Variants in GALC observed in about 807,000 individuals in gnomAD.
The protein encoded by GALC is galactocerebrosidase.
Under a neutral mutation model 91.8 loss-of-function variants are expected in GALC, and 77 were observed. The ratio of observed to expected loss-of-function variants is 0.84; its 90% CI spans 0.70 to 1.01. GALC has a LOEUF of 1.01. Among genes scored for constraint, GALC ranks in the 50% least tolerant of loss-of-function variants. The probability of loss-of-function intolerance (pLI) is 0.00; values close to 1 mark genes in which losing one functional copy is unlikely to be tolerated. For synonymous variants in GALC, 357 were observed against 306.7 expected (o/e 1.16, Z -1.71); for missense variants, 882 against 855.9 (o/e 1.03, Z -0.38).
At chr14:87,956,269 G>C (rs372585076) in intron 10 of GALC, among the ~76,000 whole-genome samples, 2 of 151,966 alleles carry the variant, frequency 1.3e-5, no homozygotes, top group African/African-American at 4.8e-5. Flanking sequence ...ACAGTGTGTG[G>C]AGGGGAAGAA....
rs77002425 is a variant in GALC, at chr14:87,992,362, C to T, written c.195+608G>A. On this transcript the variant is annotated intron_variant, in intron 1 of 16. Transcript: ENST00000261304. ...AGAGGGAGTACCCGGTAGTTTCAGG[C>T]CGCTCGCTTATCTTCCTTTTAAAGA... The T allele has an allele frequency of 4.6e-5, 70 of 1,535,724 alleles. No homozygotes were observed. The East Asian group carries it at 1.6e-3, about 36-fold the overall frequency.
At chr14:87,967,089 A>G (rs1325870129) in intron 8 of GALC, among the ~76,000 whole-genome samples, 1 of 152,186 alleles carries the variant, frequency 6.6e-6, no homozygotes, top group Non-Finnish European at 1.5e-5. Flanking sequence ...AGTCTGGGAA[A>G]TGGTGCTTTA....
At chr14:87,987,425 T>C (rs765943719) in intron 3 of GALC, among the ~76,000 whole-genome samples, 2 of 152,244 alleles carry the variant, frequency 1.3e-5, no homozygotes, top group Non-Finnish European at 2.9e-5. Flanking sequence ...AAGTTTCTGT[T>C]ATGGGGGTTT....
upstream of GALC, chr14:87,993,275 G>A (rs1215262328): frequency 5.2e-6 from 8 of 1,540,020 alleles, no homozygotes; most frequent in Non-Finnish European, 6.1e-6. Flanking sequence ...TTTGAGTGCG[G>A]GTCAAGGGCC....
At chr14:87,982,120 ATT>A in intron 6 of GALC, 83 bp downstream of exon 6, 5 of 730,248 alleles carry the variant, frequency 6.8e-6, no homozygotes, top group Non-Finnish European at 1.2e-5. Flanking sequence ...TCCAACACAA[ATT>A]TCCTACTATT....
intron 7 of GALC, among the ~76,000 whole-genome samples, chr14:87,975,256 C>A (rs936810162): frequency 7.9e-5 from 12 of 152,086 alleles, no homozygotes; most frequent in African/African-American, 2.6e-4. Context: ...GTAAGACAAA[C>A]AACCCCGTTC....
rs560806920 is a variant in GALC, at chr14:87,962,999, C to T, written c.1161+385G>A. On this transcript the variant is annotated intron_variant, in intron 10 of 16. Coordinates refer to ENST00000261304, the MANE Select transcript of GALC (RefSeq NM_000153.4). ...CCCTCAATCACTTGAATTTTAAGCTCGTTGCTCTCAACAGACTTAAGGTCT... is the reference window on the plus strand; with the variant it reads ...CCCTCAATCACTTGAATTTTAAGCTTGTTGCTCTCAACAGACTTAAGGTCT... Among the ~76,000 whole-genome samples, 28 of 152,194 alleles carry T rather than the reference C, an allele frequency of 1.8e-4. No homozygotes were observed. In the South Asian group the frequency reaches 4.8e-3, roughly 26 times the overall value.
At chr14:87,990,950 G>A (rs1033645473) in intron 1 of GALC, among the ~76,000 whole-genome samples, 2 of 152,134 alleles carry the variant, frequency 1.3e-5, no homozygotes, top group African/African-American at 4.8e-5. Context: ...CCTAATCCCT[G>A]AAAATGGTTA....
intron 4 of GALC, among the ~76,000 whole-genome samples, chr14:87,985,375 A>G (rs921157697): frequency 7.2e-5 from 11 of 152,348 alleles, no homozygotes; most frequent in Non-Finnish European, 1.3e-4. Flanking sequence ...TGTGACATTA[A>G]AGTAATAGAA....
Position 87,933,772 on chromosome 14 carries a change from T to A in GALC, c.*960A>T. 1 of 506,552 alleles carries A rather than the reference T, an allele frequency of 2.0e-6. No homozygotes were observed. Among genetic ancestry groups the A allele is most frequent in the South Asian group, 3.7e-5 (1 of 27,036 alleles). The allele number at this position is 506,552 out of a possible 1,614,324, so 31.4% of individuals were successfully genotyped here. A position where few individuals can be genotyped will look rare whatever the true frequency, so the allele number is the denominator to read the frequency against. On this transcript the variant is annotated 3_prime_UTR_variant, in exon 17 of 17. Transcript: ENST00000261304. ...CACGTATATTTAAATATAAACATATTTGGACTTTAAAAAGTAAGTACATCT... is the reference window on the plus strand; with the variant it reads ...CACGTATATTTAAATATAAACATATATGGACTTTAAAAAGTAAGTACATCT...
intron 12 of GALC, among the ~76,000 whole-genome samples, chr14:87,948,856 C>G (rs12434297): frequency 0.46 from 69,632 of 151,806 alleles, 17,693 homozygotes; most frequent in East Asian, 0.76. Flanking sequence ...AGTTGGTTAT[C>G]AGAACATTAA....
chr14:87,952,324 A>G (rs1185183870), intron 10 of GALC, among the ~76,000 whole-genome samples: 2 of 151,938 alleles, frequency 1.3e-5, no homozygotes, highest in African/African-American at 4.8e-5. Context: ...CTAGGGGGAG[A>G]GGCAAGGCAT....
At chr14:87,987,753 A>T (rs1378701542) in intron 3 of GALC, 1 of 163,370 alleles carries the variant, frequency 6.1e-6, no homozygotes, top group Non-Finnish European at 1.3e-5. Context: ...AAGAAAAAAA[A>T]GCTGTATCAT....
chr14:87,966,203 G>A (rs1886047132), intron 8 of GALC, among the ~76,000 whole-genome samples: 1 of 152,162 alleles, frequency 6.6e-6, no homozygotes, highest in East Asian at 1.9e-4. Flanking sequence ...CTAATGCATA[G>A]GAAGAGTATG....
chr14:87,980,894 T>C (rs548782600), intron 6 of GALC, among the ~76,000 whole-genome samples: 2 of 152,346 alleles, frequency 1.3e-5, no homozygotes, highest in African/African-American at 2.4e-5. Flanking sequence ...AAGAAATGTA[T>C]TGAACCTTAT....
intron 6 of GALC, 160 bp from the exon 7 acceptor site, chr14:87,976,648 C>A: frequency 1.6e-6 from 1 of 643,490 alleles, no homozygotes; most frequent in Non-Finnish European, 2.7e-6. Context: ...AGAGGCTTCT[C>A]TCGTCGCCCA....
intron 14 of GALC, among the ~76,000 whole-genome samples, chr14:87,944,647 G>A (rs1021092490): frequency 1.3e-5 from 2 of 151,986 alleles, no homozygotes; most frequent in East Asian, 1.9e-4. Flanking sequence ...CAGGGGCTCT[G>A]GATAACTAAA....
chr14:87,986,919 A>G, intron 3 of GALC: 2 of 430,384 alleles, frequency 4.6e-6, no homozygotes. Flanking sequence ...TGGGCTTTTG[A>G]TCTCTCTGTA....
chr14:87,966,884 A>G (rs1886077678), intron 8 of GALC, among the ~76,000 whole-genome samples: 1 of 152,198 alleles, frequency 6.6e-6, no homozygotes, highest in Non-Finnish European at 1.5e-5. Context: ...ATTCTAAAAG[A>G]GGAGAATATT....
Sources: allele counts gnomAD v4.1 joint callset (sites outside exome capture counted in the v4.1 genomes callset), GRCh38; gene constraint gnomAD v4.1.1; transcripts MANE v1.5; gene names NCBI Gene and HGNC (gene_info 2026-07-23, HGNC 2026-07-21).